The following PCDHGB1 variants were observed in gnomAD, a reference collection of about 807,000 sequenced individuals.
The protein encoded by PCDHGB1 is protocadherin gamma subfamily B, 1.
In PCDHGB1, 34 loss-of-function variants were observed where a neutral mutation model predicts 56.6. The observed-to-expected ratio is 0.60, with a 90% CI of 0.46 to 0.80. The LOEUF (loss-of-function observed/expected upper bound fraction) is 0.80, where lower values mean the gene tolerates loss of function less well. Ranked by LOEUF, PCDHGB1 falls within the 30% of genes least tolerant of loss-of-function variation. The pLI, the probability that PCDHGB1 is intolerant of heterozygous loss-of-function variation, is 0.00. For synonymous variants in PCDHGB1, 561 were observed against 505.9 expected, an observed-to-expected ratio of 1.11 and a Z score of -1.46; for missense variants, 1,278 against 1,204.6, an observed-to-expected ratio of 1.06 and a Z score of -0.90.
intron 1 of PCDHGB1, chr5:141,362,632 T>A: frequency 1.3e-6 from 2 of 1,490,270 alleles, no homozygotes; most frequent in Non-Finnish European, 1.8e-6. Context: ...CCACTGCGTA[T>A]TTCTTTGTCT....
At chr5:141,504,959 T>C (rs1297800554) in intron 2 of PCDHGB1, among the ~76,000 whole-genome samples, 2 of 152,038 alleles carry the variant, frequency 1.3e-5, no homozygotes, top group Non-Finnish European at 2.9e-5. Flanking sequence ...GTTCAATGCA[T>C]TGGACCAGCC....
At chr5:141,381,826 C>CTTTTTTTTTT (rs770630741) in intron 1 of PCDHGB1, among the ~76,000 whole-genome samples, 29 of 74,274 alleles carry the variant, frequency 3.9e-4, no homozygotes, top group South Asian at 5.1e-4. Context: ...CTTTCTTCTT[C>CTTTTTTTTTT]TTTTTTTTTT....
intron 1 of PCDHGB1, chr5:141,478,814 C>T (rs1271237848): frequency 6.9e-7 from 1 of 1,451,050 alleles, no homozygotes; most frequent in East Asian, 2.5e-5. Context: ...GCTATCACAA[C>T]TAACCAATCT....
intron 2 of PCDHGB1, among the ~76,000 whole-genome samples, chr5:141,501,057 C>T (rs185929124): frequency 9.7e-4 from 147 of 151,960 alleles, no homozygotes; most frequent in African/African-American, 3.4e-3. Context: ...TTAGTAGAGA[C>T]GGGGTTTCAC....
At position 141,431,258 on chromosome 5, in the gene PCDHGB1, C is replaced by G. The variant is rs754250241; in HGVS notation, c.2410-63549C>G. 6.2e-6 allele frequency: 10 copies of G among 1,614,186 alleles called. No individual in the cohort carries two copies. The highest frequency in any genetic ancestry group is 1.6e-4 in the Middle Eastern group (1 of 6,062). ...GGATCCGGATATCGGGAAGAACTCT[C>G]TGCAGAGCTACGAGCTCAGCCCGAA... On this transcript the variant is annotated intron_variant, in intron 1 of 3. Transcript: ENST00000523390. This position sits in a 1 kb window ranked among gnomAD's most constrained non-coding sequence, Gnocchi z 4.8.
At chr5:141,395,516 G>A (rs1402459220) in intron 1 of PCDHGB1, 1 of 407,820 alleles carries the variant, frequency 2.5e-6, no homozygotes, top group Non-Finnish European at 4.4e-6. Context: ...GTAGCTACCC[G>A]TCCATACTGG....
chr5:141,399,814 C>T, intron 1 of PCDHGB1: 2 of 1,613,238 alleles, frequency 1.2e-6, no homozygotes, highest in Non-Finnish European at 1.7e-6. Context: ...GTACCCCGCG[C>T]TGGGTCCCGA....
Position 141,491,547 on chromosome 5 carries a change from G to C in PCDHGB1, c.2410-3260G>C. On this transcript the variant is annotated intron_variant, in intron 1 of 3. Coordinates refer to ENST00000523390, the MANE Select transcript of PCDHGB1 (RefSeq NM_018922.3). This position sits in a 1 kb window ranked among gnomAD's most constrained non-coding sequence, Gnocchi z 6.9. Reference sequence around the variant, plus strand: ...AGGTGACGCTGCGGCCCACAGACTCGCAGAGCCACTGCTACAGGACGTGCT... The same window carrying C: ...AGGTGACGCTGCGGCCCACAGACTCCCAGAGCCACTGCTACAGGACGTGCT... 6.2e-7 allele frequency: 1 copy of C among 1,613,974 alleles called. No individual in the cohort carries two copies. The highest frequency in any genetic ancestry group is 8.5e-7 in the Non-Finnish European group (1 of 1,180,022).
intron 1 of PCDHGB1, chr5:141,478,713 G>A (rs745990290): frequency 1.9e-6 from 3 of 1,546,642 alleles, no homozygotes; most frequent in African/African-American, 2.7e-5. Context: ...TTGTGAGATG[G>A]TGGCCTGCCA....
At chr5:141,428,049 G>A (rs770637382) in intron 1 of PCDHGB1, 16 of 1,608,954 alleles carry the variant, frequency 9.9e-6, no homozygotes, top group Non-Finnish European at 1.4e-5. Flanking sequence ...GGTGACCAAG[G>A]TGGTGGCGGT....
chr5:141,441,623 C>T (rs530409184), intron 1 of PCDHGB1: 2 of 224,422 alleles, frequency 8.9e-6, no homozygotes, highest in Non-Finnish European at 1.8e-5. Flanking sequence ...TGGCCAGTGA[C>T]CTGGAGCCAC....
intron 1 of PCDHGB1, chr5:141,371,689 T>C: frequency 6.2e-7 from 1 of 1,613,982 alleles, no homozygotes; most frequent in Non-Finnish European, 8.5e-7. Flanking sequence ...AATCCACCGC[T>C]CTCCTCCAGC....
At chr5:141,463,692 C>A (rs1482988660) in intron 1 of PCDHGB1, among the ~76,000 whole-genome samples, 2 of 151,934 alleles carry the variant, frequency 1.3e-5, no homozygotes, top group Non-Finnish European at 2.9e-5. Flanking sequence ...GTGATCTGCT[C>A]ACCTCGGCCT....
intron 1 of PCDHGB1, chr5:141,415,910 A>G: frequency 1.3e-6 from 1 of 757,484 alleles, no homozygotes; most frequent in Non-Finnish European, 1.8e-6. Context: ...ACTTCCATAC[A>G]GAAGTGCCTG....
In PCDHGB1 at chr5:141,511,033, C is replaced by T. The variant is rs1185153127; in HGVS notation, c.2644C>T (p.His882Tyr). 6.2e-7 allele frequency: 1 copy of T among 1,614,202 alleles called. No individual in the cohort carries two copies. The highest frequency in any genetic ancestry group is 1.7e-5 in the Admixed American group (1 of 60,032). ...CTACGGACCCCAGTTCACCCTGCAG[C>T]ACGTGCCCGACTACCGCCAGAATGT... ...ARYGPQFTLQ[H>Y]VPDYRQNVYI... Residue 882 changes from histidine to tyrosine, a missense_variant, in exon 4 of 4, where the codon CAC becomes TAC. His to Tyr is a moderately conservative substitution (Grantham distance 83). Coordinates refer to ENST00000523390, the MANE Select transcript of PCDHGB1 (RefSeq NM_018922.3).
intron 1 of PCDHGB1, among the ~76,000 whole-genome samples, chr5:141,380,098 C>T (rs1242678914): frequency 1.3e-5 from 2 of 151,806 alleles, no homozygotes; most frequent in African/African-American, 4.8e-5. Context: ...TGGGGTTTTA[C>T]CATGATGGCC....
intron 1 of PCDHGB1, among the ~76,000 whole-genome samples, chr5:141,456,460 C>G (rs1444956833): frequency 6.6e-6 from 1 of 152,002 alleles, no homozygotes; most frequent in East Asian, 1.9e-4. Context: ...AATATCAATA[C>G]AAGACATATA....
At chr5:141,353,194 G>A (rs1270090950) in intron 1 of PCDHGB1, among the ~76,000 whole-genome samples, 3 of 152,050 alleles carry the variant, frequency 2.0e-5, no homozygotes, top group African/African-American at 7.2e-5. Context: ...GGCAAATCTT[G>A]CTAAAGAGAC....
intron 1 of PCDHGB1, chr5:141,389,589 G>C (rs780685929): frequency 8.1e-6 from 13 of 1,613,168 alleles, no homozygotes; most frequent in Non-Finnish European, 1.1e-5. Context: ...GGGTCCCGAC[G>C]GCTCTGCGCT....
Sources: gnomAD v4.1 joint callset for allele counts (sites outside exome capture counted in the v4.1 genomes callset) on GRCh38, gnomAD v4.1.1 for gene constraint, Gnocchi (gnomAD v3.1) non-coding constraint, MANE v1.5 for transcripts, NCBI Gene and HGNC (gene_info 2026-07-23, HGNC 2026-07-21) for gene names.